Variants in PCDH7 observed in about 807,000 individuals in gnomAD.
The protein encoded by PCDH7 is protocadherin 7.
Under a neutral mutation model 58.9 loss-of-function variants are expected in PCDH7, and 17 were observed. That is an observed-to-expected ratio of 0.29 (90% CI 0.20 to 0.43). The LOEUF (loss-of-function observed/expected upper bound fraction) is 0.43. Among genes scored for constraint, PCDH7 ranks in the 20% least tolerant of loss-of-function variants. The pLI, the probability that PCDH7 is intolerant of heterozygous loss-of-function variation, is 1.00. For missense variants in PCDH7, 1,274 were observed against 1,441.0 expected, an observed-to-expected ratio of 0.88 and a Z score of 1.88; for synonymous variants, 664 against 616.4, an observed-to-expected ratio of 1.08 and a Z score of -1.14.
intron 3 of PCDH7, among the ~76,000 whole-genome samples, chr4:31,124,285 T>C (rs1718033424): frequency 6.6e-6 from 1 of 152,186 alleles, no homozygotes; most frequent in African/African-American, 2.4e-5. Flanking sequence ...AAGCACTCAA[T>C]GTGCATTTTC....
intron 3 of PCDH7, among the ~76,000 whole-genome samples, chr4:31,067,220 T>A (rs1462631660): frequency 6.6e-6 from 1 of 151,946 alleles, no homozygotes; most frequent in Non-Finnish European, 1.5e-5. Context: ...TTAGGGCCAG[T>A]GCCCATGAAT....
intron 3 of PCDH7, among the ~76,000 whole-genome samples, chr4:31,095,502 T>C (rs1449320226): frequency 6.6e-6 from 1 of 152,190 alleles, no homozygotes; most frequent in Non-Finnish European, 1.5e-5. Flanking sequence ...AAATAACTTC[T>C]GTTAGGGTTG....
chr4:30,892,916 T>A (rs997248510), intron 1 of PCDH7, among the ~76,000 whole-genome samples: 2 of 152,074 alleles, frequency 1.3e-5, no homozygotes, highest in Admixed American at 6.6e-5. Context: ...AGTTTATCAC[T>A]TCCTGTTTAC....
chr4:30,760,426 G>A (rs1327971166), intron 1 of PCDH7, among the ~76,000 whole-genome samples: 2 of 152,182 alleles, frequency 1.3e-5, no homozygotes, highest in African/African-American at 4.8e-5. Context: ...CTGATGACAT[G>A]ATCCTATATC....
intron 1 of PCDH7, among the ~76,000 whole-genome samples, chr4:30,774,406 T>C (rs1469252531): frequency 6.6e-6 from 1 of 152,168 alleles, no homozygotes; most frequent in Non-Finnish European, 1.5e-5. Context: ...ATGTCAAAAT[T>C]TTGGAGCAAA....
intron 3 of PCDH7, among the ~76,000 whole-genome samples, chr4:31,076,758 A>G (rs1759028058): frequency 6.6e-6 from 1 of 152,226 alleles, no homozygotes; most frequent in Non-Finnish European, 1.5e-5. Flanking sequence ...ACATTATTAC[A>G]CAGGTTATCT....
intron 1 of PCDH7, among the ~76,000 whole-genome samples, chr4:30,842,308 G>A (rs762630649): frequency 1.6e-4 from 25 of 152,092 alleles, no homozygotes; most frequent in Non-Finnish European, 3.1e-4. Context: ...TACATAACTG[G>A]AACATAGTAA....
chr4:30,859,597 G>A (rs374983361), intron 1 of PCDH7, among the ~76,000 whole-genome samples: 7 of 151,706 alleles, frequency 4.6e-5, no homozygotes, highest in Admixed American at 3.9e-4. Flanking sequence ...CCACCACAAC[G>A]CCCAGCTAAT....
chr4:31,084,241 T>C (rs553939498), intron 3 of PCDH7, among the ~76,000 whole-genome samples: 2 of 152,256 alleles, frequency 1.3e-5, no homozygotes, highest in Admixed American at 1.3e-4. Context: ...AAGGCTGCAT[T>C]TGATTGCCAA....
At chr4:30,998,411 C>A (rs1752079881) in intron 3 of PCDH7, among the ~76,000 whole-genome samples, 1 of 152,038 alleles carries the variant, frequency 6.6e-6, no homozygotes, top group Admixed American at 6.6e-5. Flanking sequence ...CTGAAATACC[C>A]AGCTGGTGTT....
At chr4:30,939,241 A>T (rs1745741493) in intron 2 of PCDH7, among the ~76,000 whole-genome samples, 1 of 152,158 alleles carries the variant, frequency 6.6e-6, no homozygotes, top group South Asian at 2.1e-4. Context: ...TGATAATCCA[A>T]TGTAAATGTG....
chr4:31,140,075 C>T, intron 3 of PCDH7, among the ~76,000 whole-genome samples: 1 of 152,148 alleles, frequency 6.6e-6, no homozygotes, highest in East Asian at 1.9e-4. Flanking sequence ...GAGCATCTCA[C>T]TTATAGCTGA....
chr4:30,938,527 C>T (rs962163145), intron 2 of PCDH7, among the ~76,000 whole-genome samples: 1 of 151,626 alleles, frequency 6.6e-6, no homozygotes, highest in Non-Finnish European at 1.5e-5. Flanking sequence ...CACACACCAG[C>T]CTTGATAGGC....
At chr4:30,822,652 T>C (rs1338166237) in intron 1 of PCDH7, among the ~76,000 whole-genome samples, 3 of 152,154 alleles carry the variant, frequency 2.0e-5, no homozygotes, top group South Asian at 2.1e-4. Flanking sequence ...TTTCAAATAC[T>C]GGGCTTTTAA....
chr4:30,904,407 C>A (rs1267747634), intron 1 of PCDH7, among the ~76,000 whole-genome samples: 2 of 152,106 alleles, frequency 1.3e-5, no homozygotes, highest in African/African-American at 4.8e-5. Context: ...ATCCCCTGAC[C>A]TTCTTTTCTG....
intron 3 of PCDH7, among the ~76,000 whole-genome samples, chr4:31,008,030 T>A (rs1578547970): frequency 1.3e-5 from 2 of 152,100 alleles, no homozygotes; most frequent in Non-Finnish European, 1.5e-5. Context: ...GGGGAGAATG[T>A]CATGAAAAGT....
At chr4:30,762,966 G>C (rs1720217320) in intron 1 of PCDH7, among the ~76,000 whole-genome samples, 1 of 152,184 alleles carries the variant, frequency 6.6e-6, no homozygotes, top group South Asian at 2.1e-4. Context: ...GCCTAGGCCA[G>C]GCATGGTGGC....
At position 31,033,944 on chromosome 4, in the gene PCDH7, A is replaced by G. The variant is rs187098490; in HGVS notation, c.*7+83729A>G. Among the ~76,000 whole-genome samples the G allele has an allele frequency of 8.5e-5, 13 of 152,176 alleles. No individual in the cohort carries two copies. The East Asian group carries it at 1.5e-3, about 18-fold the overall frequency. ...CCCCATCTCTACTAAAAATACAAAA[A>G]TTACCCAGGTGTGGTGATGCGCCCC... On this transcript the variant is annotated intron_variant, in intron 3 of 3. Transcript: ENST00000509759.
At chr4:30,933,067 G>T (rs929018504) in intron 2 of PCDH7, among the ~76,000 whole-genome samples, 8 of 150,178 alleles carry the variant, frequency 5.3e-5, no homozygotes, top group African/African-American at 2.0e-4. Context: ...TTGCTCTGTC[G>T]CCAGGCTGGA....
Sources: gnomAD v4.1 joint callset for allele counts (sites outside exome capture counted in the v4.1 genomes callset) on GRCh38, gnomAD v4.1.1 for gene constraint, MANE v1.5 for transcripts, NCBI Gene and HGNC (gene_info 2026-07-23, HGNC 2026-07-21) for gene names.